The following SLA2 variants were observed in gnomAD, a reference collection of about 807,000 sequenced individuals.
SLA2 encodes the protein src-like-adapter 2.
Under a neutral mutation model 27.3 loss-of-function variants are expected in SLA2, and 22 were observed. That is an observed-to-expected ratio of 0.81 (90% CI 0.58 to 1.15). The LOEUF (loss-of-function observed/expected upper bound fraction) is 1.15. SLA2 is among the 50% of genes most tolerant of loss of function. The probability of loss-of-function intolerance (pLI) is 0.00; values close to 1 mark genes in which losing one functional copy is unlikely to be tolerated. For synonymous variants in SLA2, 131 were observed against 137.8 expected, an observed-to-expected ratio of 0.95 and a Z score of 0.34; for missense variants, 304 against 322.2, an observed-to-expected ratio of 0.94 and a Z score of 0.43.
In SLA2 at chr20:36,613,720, G is replaced by T; in HGVS notation, c.*146C>A. On this transcript the variant is annotated 3_prime_UTR_variant, in exon 8 of 8. Coordinates refer to ENST00000262866, the MANE Select transcript of SLA2 (RefSeq NM_032214.4). ...CTTCTAAGGGCTAAGAGAGGAAAGA[G>T]CAAGGGTACAGGTGGGACCCTAGAT... 1 of 972,146 alleles carries T rather than the reference G, an allele frequency of 1.0e-6. No homozygotes were observed. Among genetic ancestry groups the T allele is most frequent in the Non-Finnish European group, 1.5e-6 (1 of 667,608 alleles). The allele number at this position is 972,146 out of a possible 1,614,324, so 60.2% of individuals were successfully genotyped here. A position where few individuals can be genotyped will look rare whatever the true frequency, so the allele number is the denominator to read the frequency against.
intron 5 of SLA2, among the ~76,000 whole-genome samples, chr20:36,628,738 A>T (rs937606825): frequency 2.6e-5 from 4 of 151,666 alleles, no homozygotes; most frequent in Non-Finnish European, 5.9e-5. Flanking sequence ...TTTTTTTTTA[A>T]GAGATGGGGG....
chr20:36,636,462 C>G (rs2147993879), intron 2 of SLA2, among the ~76,000 whole-genome samples: 1 of 146,000 alleles, frequency 6.8e-6, no homozygotes, highest in East Asian at 2.0e-4. Flanking sequence ...AAAATTAGCC[C>G]TATGTGGTGG....
rs2039162304 is a variant in SLA2, at chr20:36,613,163, T to C, written c.*703A>G. ...TGAATCCAGGAGATGGAGGTTGCAG[T>C]GAGCTGAGATCGTGCCATTGCACTC... On this transcript the variant is annotated 3_prime_UTR_variant, in exon 8 of 8. Coordinates refer to ENST00000262866, the MANE Select transcript of SLA2 (RefSeq NM_032214.4). The C allele has an allele frequency of 6.6e-6, 1 of 152,346 alleles. No homozygotes were observed. The highest frequency in any genetic ancestry group is 2.4e-5 in the African/African-American group (1 of 41,456). 9.4% of individuals were successfully genotyped at this position (152,346 alleles called of 1,614,324 possible). A position where few individuals can be genotyped will look rare whatever the true frequency, so the allele number is the denominator to read the frequency against.
At chr20:36,640,283 A>G (rs2039493226) in intron 2 of SLA2, among the ~76,000 whole-genome samples, 1 of 152,188 alleles carries the variant, frequency 6.6e-6, no homozygotes, top group South Asian at 2.1e-4. Context: ...TGGGAGACAG[A>G]GCAAAACCAT....
chr20:36,618,032 AG>A (rs2039234917), intron 5 of SLA2, among the ~76,000 whole-genome samples: 1 of 150,650 alleles, frequency 6.6e-6, no homozygotes, highest in South Asian at 2.1e-4. Flanking sequence ...CTGTAGTCCC[AG>A]CTACTCGGGA....
intron 2 of SLA2, among the ~76,000 whole-genome samples, chr20:36,639,526 A>G (rs1346818595): frequency 6.6e-6 from 1 of 152,088 alleles, no homozygotes; most frequent in Non-Finnish European, 1.5e-5. Flanking sequence ...GGAGAAGAAG[A>G]AACAGACCTG....
intron 1 of SLA2, among the ~76,000 whole-genome samples, chr20:36,644,433 T>C (rs766829441): frequency 6.6e-6 from 1 of 151,966 alleles, no homozygotes; most frequent in Non-Finnish European, 1.5e-5. Flanking sequence ...TGGCACAGAG[T>C]GGGTGCTCAG....
intron 5 of SLA2, among the ~76,000 whole-genome samples, chr20:36,629,660 G>T (rs541046616): frequency 6.6e-6 from 1 of 152,228 alleles, no homozygotes; most frequent in South Asian, 2.1e-4. Flanking sequence ...TGTCATCCCA[G>T]CTACTCAGGA....
intron 5 of SLA2, among the ~76,000 whole-genome samples, chr20:36,623,538 TAGTA>T (rs2147983418): frequency 6.6e-6 from 1 of 152,316 alleles, no homozygotes; most frequent in South Asian, 2.1e-4. Context: ...AAAGTAAATT[TAGTA>T]AGGTGACCCA....
At chr20:36,636,103 C>T (rs1180239448) in intron 2 of SLA2, among the ~76,000 whole-genome samples, 2 of 152,106 alleles carry the variant, frequency 1.3e-5, no homozygotes, top group African/African-American at 2.4e-5. Context: ...GTCACAAGGC[C>T]TGGCATGTGG....
intron 5 of SLA2, among the ~76,000 whole-genome samples, chr20:36,625,477 G>C (rs2039328268): frequency 6.6e-6 from 1 of 151,988 alleles, no homozygotes; most frequent in Non-Finnish European, 1.5e-5. Context: ...CCCCGCCTCG[G>C]CCTCTCAAAG....
In SLA2 at chr20:36,614,446, G is replaced by A. The variant is rs1392681812; in HGVS notation, c.533-9C>T. 6.2e-7 allele frequency: 1 copy of A among 1,600,196 alleles called. No homozygotes were observed. Among genetic ancestry groups the A allele is most frequent in the East Asian group, 2.2e-5 (1 of 44,724 alleles). ...GATGTCATCCGCCAGCTCTGAGGAA[G>A]AGACCTCCATCCCTGACATGACTGA... is the stretch of plus-strand genomic sequence containing the variant. On this transcript the variant is annotated splice_polypyrimidine_tract_variant and intron_variant, in intron 6 of 7. Transcript: ENST00000262866.
At position 36,615,353 on chromosome 20, in the gene SLA2, C is replaced by T. The variant is rs143750854; in HGVS notation, c.404G>A (p.Arg135His). The change falls in exon 6 of 8, where the codon CGC (arginine) becomes CAC (histidine). Residue 135 changes from arginine to histidine, a missense_variant. Physicochemically the swap from Arg to His is conservative, Grantham distance 29. Coordinates refer to ENST00000262866, the MANE Select transcript of SLA2 (RefSeq NM_032214.4). ...TRRGSYSLSV[R>H]LSRPASWDRI... ...GTCCCAGGATGCAGGGCGGCTGAGGCGGACTGACAGAGAGTAAGAGCCTGA... is the reference window on the plus strand; with the variant it reads ...GTCCCAGGATGCAGGGCGGCTGAGGTGGACTGACAGAGAGTAAGAGCCTGA... 3.4e-4 allele frequency: 551 copies of T among 1,613,846 alleles called. No individual in the cohort carries two copies. The highest frequency in any genetic ancestry group is 4.3e-4 in the Non-Finnish European group (504 of 1,179,998).
chr20:36,621,749 T>TTTA (rs1166761003), intron 5 of SLA2, among the ~76,000 whole-genome samples: 2 of 152,012 alleles, frequency 1.3e-5, no homozygotes, highest in African/African-American at 2.4e-5. Context: ...CAATGGCTAA[T>TTTA]GCCTGTAATC....
intron 5 of SLA2, among the ~76,000 whole-genome samples, chr20:36,630,473 G>C (rs779860700): frequency 1.3e-5 from 2 of 152,200 alleles, no homozygotes; most frequent in Non-Finnish European, 2.9e-5. Flanking sequence ...TCCCTGGTCT[G>C]TTGCTATGCT....
At chr20:36,645,239 T>C (rs1233144247) in intron 1 of SLA2, among the ~76,000 whole-genome samples, 1 of 141,700 alleles carries the variant, frequency 7.1e-6, no homozygotes, top group Non-Finnish European at 1.5e-5. Context: ...TGGTGGTACA[T>C]GCCTGTAGTC....
chr20:36,629,690 C>T (rs2039374536), intron 5 of SLA2, among the ~76,000 whole-genome samples: 1 of 152,098 alleles, frequency 6.6e-6, no homozygotes, highest in Non-Finnish European at 1.5e-5. Flanking sequence ...AGGAGACTCG[C>T]TTGAACCCAG....
At chr20:36,617,533 CAAAAAA>C (rs1159077334) in intron 5 of SLA2, among the ~76,000 whole-genome samples, 7 of 56,818 alleles carry the variant, frequency 1.2e-4, no homozygotes, top group African/African-American at 2.5e-4. Flanking sequence ...GACCCTGTCT[CAAAAAA>C]AAAAAAAAAA....
At chr20:36,620,097 A>ATTT (rs2039264870) in intron 5 of SLA2, among the ~76,000 whole-genome samples, 3 of 150,112 alleles carry the variant, frequency 2.0e-5, no homozygotes, top group Admixed American at 6.7e-5. Context: ...CCTCAAGAAA[A>ATTT]AATAAAAACA....
Sources: allele counts gnomAD v4.1 joint callset (sites outside exome capture counted in the v4.1 genomes callset), GRCh38; gene constraint gnomAD v4.1.1; transcripts MANE v1.5; gene names NCBI Gene and HGNC (gene_info 2026-07-23, HGNC 2026-07-21).